The following STAMBP variants were observed in gnomAD, a reference collection of about 807,000 sequenced individuals.
The protein encoded by STAMBP is STAM-binding protein.
Under a neutral mutation model 50.7 loss-of-function variants are expected in STAMBP, and 31 were observed. That is an observed-to-expected ratio of 0.61 (90% CI 0.46 to 0.83). The LOEUF (loss-of-function observed/expected upper bound fraction) is 0.83, where lower values mean the gene tolerates loss of function less well. STAMBP is among the 40% of genes least tolerant of loss of function. The pLI is 0.00. For missense variants in STAMBP, 472 were observed against 518.9 expected, an observed-to-expected ratio of 0.91 and a Z score of 0.88; for synonymous variants, 211 against 192.4, an observed-to-expected ratio of 1.10 and a Z score of -0.80.
intron 2 of STAMBP, among the ~76,000 whole-genome samples, chr2:73,841,970 T>G (rs879611874): frequency 6.6e-6 from 1 of 152,190 alleles, no homozygotes; most frequent in Non-Finnish European, 1.5e-5. Flanking sequence ...GTTTGTTTTT[T>G]GTTTTTGTTT....
chr2:73,862,511 G>A lies in STAMBP; in HGVS notation c.*252G>A, dbSNP rs1313149370. ...AGAAATTAAGTTACTCAGAAATTAA[G>A]TAGCTCAGAAATTAAGAAAGAATGG... On this transcript the variant is annotated 3_prime_UTR_variant, in exon 10 of 10. Coordinates refer to ENST00000394070, the MANE Select transcript of STAMBP (RefSeq NM_213622.4). The A allele has an allele frequency of 2.6e-5, 8 of 305,534 alleles. No individual in the cohort carries two copies. Among genetic ancestry groups the A allele is most frequent in the Non-Finnish European group, 2.4e-5 (4 of 165,418 alleles). The allele number at this position is 305,534 out of a possible 1,614,324, so 18.9% of individuals were successfully genotyped here. A position where few individuals can be genotyped will look rare whatever the true frequency, so the allele number is the denominator to read the frequency against.
intron 2 of STAMBP, among the ~76,000 whole-genome samples, chr2:73,832,561 T>A (rs967707236): frequency 6.6e-6 from 1 of 152,150 alleles, no homozygotes; most frequent in Non-Finnish European, 1.5e-5. Flanking sequence ...CTTAGATATC[T>A]TCCAAGAGAT....
intron 2 of STAMBP, among the ~76,000 whole-genome samples, chr2:73,834,232 A>AT (rs1674386445): frequency 6.5e-5 from 1 of 15,330 alleles, no homozygotes; most frequent in Non-Finnish European, 1.1e-4. Context: ...AAAAAAAAAA[A>AT]AAAAATATAT....
At position 73,858,891 on chromosome 2, in the gene STAMBP, C is replaced by G. The variant is rs556042861; in HGVS notation, c.1006-363C>G. 4.0e-4 allele frequency among the ~76,000 whole-genome samples: 61 copies of G among 151,354 alleles called. No homozygotes were observed. The South Asian group carries it at 0.011, about 26-fold the overall frequency. ...TTGGTTGTATGTCAGAGTAGTCCCC[C>G]CCTTATCCTCAGGGGATATGAGCCC... On this transcript the variant is annotated intron_variant, in intron 7 of 9. Coordinates refer to ENST00000394070, the MANE Select transcript of STAMBP (RefSeq NM_213622.4).
chr2:73,847,541 A>T lies in STAMBP; in HGVS notation c.530A>T (p.Glu177Val), dbSNP rs1364298826. The T allele has an allele frequency of 6.2e-7, 1 of 1,614,176 alleles. No individual in the cohort carries two copies. The highest frequency in any genetic ancestry group is 1.7e-5 in the Admixed American group (1 of 60,028). The change falls in exon 5 of 10, where the codon GAG (glutamate) becomes GTG (valine). Residue 177 changes from glutamate to valine, a missense_variant. By Grantham distance (121) the Glu-to-Val change is moderately radical (BLOSUM62 -2). Transcript: ENST00000394070. The stretch of plus-strand genomic sequence containing the variant: ...ATCCGGAACCAGGAGCTAGAAAAAG[A>T]GCGACTGAAAATTGTACAGGAGTTT... Reference protein sequence around the residue: ...EMIRNQELEKERLKIVQEFGK... With the variant: ...EMIRNQELEKVRLKIVQEFGK...
chr2:73,861,388 A>G (rs79466821), intron 9 of STAMBP, among the ~76,000 whole-genome samples: 2,368 of 152,302 alleles, frequency 0.016, 63 homozygotes, highest in African/African-American at 0.054. Context: ...TTCCATCTAC[A>G]GGTGGGACTG....
intron 2 of STAMBP, among the ~76,000 whole-genome samples, chr2:73,844,280 C>G (rs75279483): frequency 0.023 from 3,474 of 152,300 alleles, 73 homozygotes; most frequent in Non-Finnish European, 0.031. Flanking sequence ...AACACATGCA[C>G]TAAGTATTTC....
At chr2:73,833,541 C>A (rs1183446871) in intron 2 of STAMBP, among the ~76,000 whole-genome samples, 1 of 152,010 alleles carries the variant, frequency 6.6e-6, no homozygotes, top group East Asian at 1.9e-4. Flanking sequence ...TTATGTATTT[C>A]CTATAAGCTT....
chr2:73,831,789 C>T (rs1368143328), intron 2 of STAMBP, among the ~76,000 whole-genome samples: 1 of 151,990 alleles, frequency 6.6e-6, no homozygotes, highest in Non-Finnish European at 1.5e-5. Flanking sequence ...GTGTGTTTCA[C>T]CTGCATAATT....
At chr2:73,871,735 G>C (rs537009302), downstream of STAMBP, among the ~76,000 whole-genome samples, 37 of 152,182 alleles carry the variant, frequency 2.4e-4, no homozygotes, top group African/African-American at 8.9e-4. Context: ...ACAGCTAGAA[G>C]GTTATAGCCT....
intron 2 of STAMBP, among the ~76,000 whole-genome samples, chr2:73,835,705 C>A (rs1183568826): frequency 6.6e-6 from 1 of 152,108 alleles, no homozygotes; most frequent in African/African-American, 2.4e-5. Context: ...CGTGTTTCTG[C>A]CTTGAACAAC....
At position 73,850,326 on chromosome 2, in the gene STAMBP, G is replaced by A. The variant is rs916907014; in HGVS notation, c.868-50G>A. ...CCACTGTCGGGATGGAGTGGAGCAG[G>A]GTTGCATGAGCACCAGGGAATTGTG... is the stretch of plus-strand genomic sequence containing the variant. On this transcript the variant is annotated intron_variant, in intron 6 of 9. Transcript: ENST00000394070. The surrounding 1 kb of genome is among the most constrained non-coding windows in gnomAD (Gnocchi z 4.3). The A allele has an allele frequency of 1.9e-6, 3 of 1,575,600 alleles. No individual in the cohort carries two copies. The Admixed American group carries it at 5.3e-5, about 28-fold the overall frequency.
chr2:73,855,315 A>G (rs1031005513), intron 7 of STAMBP, among the ~76,000 whole-genome samples: 1 of 152,188 alleles, frequency 6.6e-6, no homozygotes, highest in Non-Finnish European at 1.5e-5. Flanking sequence ...TCTTTGTCAA[A>G]GTGCCTTCCT....
Position 73,856,113 on chromosome 2 carries a change from T to C in STAMBP, c.1006-3141T>C, listed in dbSNP as rs572370364. 1.7e-4 allele frequency among the ~76,000 whole-genome samples: 26 copies of C among 152,328 alleles called. No homozygotes were observed. The East Asian group carries it at 5.0e-3, about 29-fold the overall frequency. On this transcript the variant is annotated intron_variant, in intron 7 of 9. Coordinates refer to ENST00000394070, the MANE Select transcript of STAMBP (RefSeq NM_213622.4). ...TAAAACAAACAATGGAAACAAATAA[T>C]CGGGATGCACATTTAGGTGATATTT...
rs543041746 is a variant in STAMBP at position 73,849,220 on chromosome 2, A to G, written c.743-143A>G. On this transcript the variant is annotated intron_variant, in intron 5 of 9. Coordinates refer to ENST00000394070, the MANE Select transcript of STAMBP (RefSeq NM_213622.4). ...ACTTTACAGCCCTTTTTTTGGTGCC[A>G]TTAGAATGAGATCCCTACTCACTGC... 7.0e-4 allele frequency: 842 copies of G among 1,206,654 alleles called. 5 individuals are homozygous for G. Among genetic ancestry groups the G allele is most frequent in the South Asian group, 1.9e-3 (136 of 72,882 alleles). 74.7% of individuals were successfully genotyped at this position (1,206,654 alleles called of 1,614,324 possible).
At chr2:73,834,111 T>A (rs1341837996) in intron 2 of STAMBP, among the ~76,000 whole-genome samples, 1 of 147,004 alleles carries the variant, frequency 6.8e-6, no homozygotes, top group African/African-American at 2.5e-5. Context: ...CTTGGGAGAC[T>A]GAGGCAGGAG....
intron 2 of STAMBP, among the ~76,000 whole-genome samples, chr2:73,843,406 G>GTGTATATA (rs1458780751): frequency 3.3e-4 from 43 of 129,942 alleles, no homozygotes; most frequent in Non-Finnish European, 4.5e-4. Flanking sequence ...GTTTGTGTAT[G>GTGTATATA]TATATATATA....
downstream of STAMBP, among the ~76,000 whole-genome samples, chr2:73,868,909 C>T (rs549639642): frequency 5.9e-5 from 9 of 152,248 alleles, no homozygotes; most frequent in African/African-American, 1.9e-4. Context: ...CAAGAAGCTT[C>T]GTTAACATGA....
chr2:73,862,430 A>G lies in STAMBP; in HGVS notation c.*171A>G, dbSNP rs1050264550. ...CAGGTTTGAAAAGAAATAACTGAAC[A>G]TATTTTTTAGGCAAGTCAGAAAGAG... is the stretch of plus-strand genomic sequence containing the variant. On this transcript the variant is annotated 3_prime_UTR_variant, in exon 10 of 10. Transcript: ENST00000394070. The G allele has an allele frequency of 4.2e-6, 2 of 479,274 alleles. No homozygotes were observed. The highest frequency in any genetic ancestry group is 4.0e-5 in the African/African-American group (2 of 50,066). 29.7% of individuals were successfully genotyped at this position (479,274 alleles called of 1,614,324 possible). A position where few individuals can be genotyped will look rare whatever the true frequency, so the allele number is the denominator to read the frequency against.
Sources: allele counts gnomAD v4.1 joint callset (sites outside exome capture counted in the v4.1 genomes callset), GRCh38; gene constraint gnomAD v4.1.1; non-coding constraint Gnocchi (gnomAD v3.1); transcripts MANE v1.5; gene names NCBI Gene and HGNC (gene_info 2026-07-23, HGNC 2026-07-21).